Variants in TNR observed in about 807,000 individuals in gnomAD.
The protein encoded by TNR is tenascin R.
In TNR, 45 loss-of-function variants were observed where a neutral mutation model predicts 150.4. That is an observed-to-expected ratio of 0.30 (90% CI 0.24 to 0.38). The LOEUF (loss-of-function observed/expected upper bound fraction) is 0.38, where lower values mean the gene tolerates loss of function less well. TNR is among the 10% of genes least tolerant of loss of function. The pLI is 1.00. For synonymous variants in TNR, 687 were observed against 678.4 expected, an observed-to-expected ratio of 1.01 and a Z score of -0.20; for missense variants, 1,544 against 1,759.1, an observed-to-expected ratio of 0.88 and a Z score of 2.19.
At chr1:175,644,109 A>T (rs946722539) in intron 1 of TNR, among the ~76,000 whole-genome samples, 1 of 152,246 alleles carries the variant, frequency 6.6e-6, no homozygotes, top group East Asian at 1.9e-4. Context: ...AATAGTATGC[A>T]TGTGATGAGA....
Position 175,700,480 on chromosome 1 carries a change from T to A in TNR, c.-165+42746A>T, listed in dbSNP as rs561687967. On this transcript the variant is annotated intron_variant, in intron 1 of 22. Transcript: ENST00000367674. ...CTGAGATCGTCTTGAGAGAAGCAGATAGGCAACATGCAGCTTCCTTGGTTT... is the reference window on the plus strand; with the variant it reads ...CTGAGATCGTCTTGAGAGAAGCAGAAAGGCAACATGCAGCTTCCTTGGTTT... Among the ~76,000 whole-genome samples the A allele has an allele frequency of 1.0e-3, 154 of 152,328 alleles. 1 individual carries two copies. Among genetic ancestry groups the A allele is most frequent in the South Asian group, 5.6e-3 (27 of 4,828 alleles).
intron 1 of TNR, among the ~76,000 whole-genome samples, chr1:175,652,167 A>G (rs530192498): frequency 2.6e-4 from 39 of 147,972 alleles, no homozygotes; most frequent in Non-Finnish European, 5.4e-4. Context: ...TTATGTATAT[A>G]ATAATATATA....
intron 2 of TNR, among the ~76,000 whole-genome samples, chr1:175,461,009 T>C (rs1324003515): frequency 2.0e-5 from 3 of 150,418 alleles, no homozygotes; most frequent in African/African-American, 7.3e-5. Flanking sequence ...TGATGCATGC[T>C]TGCATGGCTG....
chr1:175,663,089 T>G (rs1272950021), intron 1 of TNR, among the ~76,000 whole-genome samples: 1 of 152,196 alleles, frequency 6.6e-6, no homozygotes, highest in Non-Finnish European at 1.5e-5. Context: ...ACTGTTATCT[T>G]TTGAGGTCAC....
intron 1 of TNR, among the ~76,000 whole-genome samples, chr1:175,537,974 G>C (rs1406987620): frequency 6.6e-6 from 1 of 152,206 alleles, no homozygotes; most frequent in East Asian, 1.9e-4. Flanking sequence ...TTTTGAGTGG[G>C]ATAATTCTTT....
Position 175,403,385 on chromosome 1 carries a change from A to T in TNR, c.731T>A (p.Leu244His). 2.5e-6 allele frequency: 4 copies of T among 1,614,158 alleles called. No individual in the cohort carries two copies. The highest frequency in any genetic ancestry group is 2.5e-6 in the Non-Finnish European group (3 of 1,180,038). The change falls in exon 4 of 23, where the codon CTC (leucine) becomes CAC (histidine). Residue 244 changes from leucine (L) to histidine (H), a missense_variant. Physicochemically the swap from Leu to His is moderately conservative, Grantham distance 99 (BLOSUM62 -3). Coordinates refer to ENST00000367674, the MANE Select transcript of TNR (RefSeq NM_003285.3). Reference sequence around the variant, plus strand: ...ACAGACACACTCCCCGTCCACGCAGAGCCCCCGGGAGCTGCAGTCTGTTGG... The same window carrying T: ...ACAGACACACTCCCCGTCCACGCAGTGCCCCCGGGAGCTGCAGTCTGTTGG... ...RCPTDCSSRG[L>H]CVDGECVCEE...
chr1:175,341,466 G>T (rs868681869), intron 18 of TNR, among the ~76,000 whole-genome samples: 10 of 152,136 alleles, frequency 6.6e-5, no homozygotes, highest in Admixed American at 2.6e-4. Context: ...TGAGATCAAC[G>T]GGACCATGGC....
intron 1 of TNR, among the ~76,000 whole-genome samples, chr1:175,662,478 C>G (rs186372252): frequency 1.7e-3 from 259 of 152,330 alleles, no homozygotes; most frequent in African/African-American, 5.8e-3. Flanking sequence ...TGGGCCTCCC[C>G]TAGGGCCCCA....
chr1:175,381,210 C>T (rs576074237), intron 8 of TNR, among the ~76,000 whole-genome samples: 1 of 152,192 alleles, frequency 6.6e-6, no homozygotes, highest in Non-Finnish European at 1.5e-5. Context: ...GCATTGTTGC[C>T]CCTAAATTTC....
In TNR at chr1:175,729,269, C is replaced by T. The variant is rs181264533; in HGVS notation, c.-165+13957G>A. ...ACGCAAATCAATAGGGAAGCATTTT[C>T]CTGGAGTGGAGCCCCTGGCATGGGA... is the stretch of plus-strand genomic sequence containing the variant. On this transcript the variant is annotated intron_variant, in intron 1 of 22. Coordinates refer to ENST00000367674, the MANE Select transcript of TNR (RefSeq NM_003285.3). Among the ~76,000 whole-genome samples the T allele has an allele frequency of 1.4e-3, 217 of 152,262 alleles. 2 individuals carry two copies. The highest frequency in any genetic ancestry group is 3.4e-3 in the Middle Eastern group (1 of 294).
rs1008584546 is a variant in TNR, at chr1:175,320,827, A to G, written c.*2530T>C. The G allele has an allele frequency of 1.5e-5, 2 of 134,860 alleles. No individual in the cohort carries two copies. The highest frequency in any genetic ancestry group is 3.1e-5 in the Non-Finnish European group (2 of 65,296). The allele number at this position is 134,860 out of a possible 1,614,324, so 8.4% of individuals were successfully genotyped here. A position where few individuals can be genotyped will look rare whatever the true frequency, so the allele number is the denominator to read the frequency against. On this transcript the variant is annotated 3_prime_UTR_variant, in exon 23 of 23. Transcript: ENST00000367674. ...TCCTTCCTTCTTTCCTTCTTTCCTCATTAAACAGGGAGTCTAGTGAATTTT... is the reference window on the plus strand; with the variant it reads ...TCCTTCCTTCTTTCCTTCTTTCCTCGTTAAACAGGGAGTCTAGTGAATTTT...
intron 1 of TNR, among the ~76,000 whole-genome samples, chr1:175,582,587 G>A (rs531214199): frequency 5.9e-5 from 9 of 152,260 alleles, no homozygotes; most frequent in African/African-American, 2.2e-4. Context: ...CTGGGAGAGG[G>A]GGTGGTGGAG....
rs148400176 is a variant in TNR at position 175,629,264 on chromosome 1, A to G, written c.-164-100895T>C. 5.9e-4 allele frequency among the ~76,000 whole-genome samples: 90 copies of G among 152,270 alleles called. 1 individual carries two copies. In the East Asian group the frequency reaches 9.3e-3, roughly 16 times the overall value. On this transcript the variant is annotated intron_variant, in intron 1 of 22. Coordinates refer to ENST00000367674, the MANE Select transcript of TNR (RefSeq NM_003285.3). Reference sequence around the variant, plus strand: ...TAGGACCCCAGGCTACGATGTTTCTATCACAGGATCTCAGGGGAAACCAGA... The same window carrying G: ...TAGGACCCCAGGCTACGATGTTTCTGTCACAGGATCTCAGGGGAAACCAGA...
chr1:175,538,127 G>A (rs1404799066), intron 1 of TNR, among the ~76,000 whole-genome samples: 1 of 152,200 alleles, frequency 6.6e-6, no homozygotes, highest in African/African-American at 2.4e-5. Flanking sequence ...AACCAGGCCA[G>A]AACAAGACAC....
intron 2 of TNR, among the ~76,000 whole-genome samples, chr1:175,489,021 C>T (rs896210732): frequency 2.0e-5 from 3 of 152,224 alleles, no homozygotes; most frequent in Admixed American, 1.3e-4. Context: ...GAATGTGCCA[C>T]AGCCCCAGAA....
At chr1:175,741,140 C>T (rs1282656591) in intron 1 of TNR, among the ~76,000 whole-genome samples, 1 of 152,236 alleles carries the variant, frequency 6.6e-6, no homozygotes, top group Non-Finnish European at 1.5e-5. Flanking sequence ...AAGGCTTTGG[C>T]TGCAAGTCTA....
At chr1:175,470,321 A>C (rs1657233068) in intron 2 of TNR, among the ~76,000 whole-genome samples, 1 of 152,126 alleles carries the variant, frequency 6.6e-6, no homozygotes, top group African/African-American at 2.4e-5. Context: ...GGGGATCATC[A>C]GCATGCAAAG....
intron 1 of TNR, among the ~76,000 whole-genome samples, chr1:175,531,318 G>A (rs1660058078): frequency 6.6e-6 from 1 of 152,098 alleles, no homozygotes; most frequent in Non-Finnish European, 1.5e-5. Flanking sequence ...TTAATTTGAT[G>A]AACAAGTCCT....
chr1:175,645,176 A>G (rs2101884301), intron 1 of TNR, among the ~76,000 whole-genome samples: 1 of 152,356 alleles, frequency 6.6e-6, no homozygotes, highest in East Asian at 1.9e-4. Flanking sequence ...TGACCTCAAA[A>G]TATCTGTATA....
Sources: allele counts gnomAD v4.1 joint callset (sites outside exome capture counted in the v4.1 genomes callset), GRCh38; gene constraint gnomAD v4.1.1; transcripts MANE v1.5; gene names NCBI Gene and HGNC (gene_info 2026-07-23, HGNC 2026-07-21).